The following FRMD1 variants were observed in gnomAD, a reference collection of about 807,000 sequenced individuals.
The protein encoded by FRMD1 is FERM domain-containing protein 1.
A neutral mutation model predicts 54.9 loss-of-function variants in FRMD1; 51 were observed. The ratio of observed to expected loss-of-function variants is 0.93; its 90% CI spans 0.74 to 1.17. The LOEUF (loss-of-function observed/expected upper bound fraction) is 1.17. FRMD1 is among the 50% of genes most tolerant of loss of function. The probability of loss-of-function intolerance (pLI) is 0.00; values close to 1 mark genes in which losing one functional copy is unlikely to be tolerated. For synonymous variants in FRMD1, 324 were observed against 306.4 expected (o/e 1.06, Z -0.60); for missense variants, 729 against 743.0 (o/e 0.98, Z 0.22).
chr6:168,067,630 A>G (rs774122287), intron 2 of FRMD1, 184 bp from the exon 3 acceptor site: 13 of 543,226 alleles, frequency 2.4e-5, no homozygotes, highest in Non-Finnish European at 3.3e-6. Flanking sequence ...ACACACATGC[A>G]GGTGTCAAAT....
intron 2 of FRMD1, among the ~76,000 whole-genome samples, chr6:168,070,383 A>AGGGAG (rs1800247051): frequency 3.4e-5 from 3 of 87,484 alleles, no homozygotes; most frequent in South Asian, 4.4e-4. Flanking sequence ...GAGGGAGGGA[A>AGGGAG]GGAGGGAGGG....
At chr6:168,091,492 G>A (rs779242320) in intron 1 of FRMD1, among the ~76,000 whole-genome samples, 25 of 152,346 alleles carry the variant, frequency 1.6e-4, no homozygotes, top group Non-Finnish European at 2.9e-4. Flanking sequence ...CGTGGCCTCG[G>A]TCAGGTGTCA....
rs142368502 is a variant in FRMD1 at position 168,090,181 on chromosome 6, GC to G, written c.-11-11158del. On this transcript the variant is annotated intron_variant, in intron 1 of 12. Coordinates refer to the FRMD1 transcript ENST00000644440. ...TGGCTCGTCTCCCTCCTGAATGTTG[GC>G]AATGGGCTCTAGAGTCTCCTCTGCC... Among the ~76,000 whole-genome samples, 874 of 152,200 alleles carry G rather than the reference GC, an allele frequency of 5.7e-3. 6 individuals are homozygous for G. Among genetic ancestry groups the G allele is most frequent in the African/African-American group, 0.02 (824 of 41,518 alleles).
At chr6:168,084,331 G>T (rs148990454), upstream of FRMD1, among the ~76,000 whole-genome samples, 2 of 152,242 alleles carry the variant, frequency 1.3e-5, no homozygotes. Flanking sequence ...TTAGCACTGC[G>T]CGTGTCGGAT....
rs1431422158 is a variant in FRMD1, at chr6:168,061,917, C to T, written c.935G>A (p.Gly312Glu). 6.3e-7 allele frequency: 1 copy of T among 1,599,260 alleles called. No individual in the cohort carries two copies. Among genetic ancestry groups the T allele is most frequent in the Non-Finnish European group, 8.5e-7 (1 of 1,174,234 alleles). ...CAGGTGCCTGGACCGCCAGGTGCAC[C>T]CCGTGTAGTAAACCAGCTTCTGTGC... Reference protein sequence around the residue: ...PAAQKLVYYTGCTWRSRHLLH... With the variant: ...PAAQKLVYYTECTWRSRHLLH... Residue 312 changes from glycine (G) to glutamate (E), a missense_variant, in exon 8 of 11, where the codon GGG becomes GAG. Transcript: ENST00000283309.
intron 8 of FRMD1, among the ~76,000 whole-genome samples, chr6:168,061,304 C>T (rs929420577): frequency 9.9e-5 from 15 of 151,230 alleles, no homozygotes; most frequent in Admixed American, 3.3e-4. Flanking sequence ...AAGGTGAGGA[C>T]GTGGAACAGG....
Position 168,064,860 on chromosome 6 carries a change from CCTGACCTTACCCA to C in FRMD1, c.646_648+10del, listed in dbSNP as rs1203003391. ...CTAGCAGTGCTGGGAGGAGGTGGGCCCTGACCTTACCCACTGTGGGAAGTAGGAGTGTGGCTCG... is the reference window on the plus strand; with the variant it reads ...CTAGCAGTGCTGGGAGGAGGTGGGCCCTGTGGGAAGTAGGAGTGTGGCTCG... On this transcript the variant is annotated splice_donor_variant and splice_donor_5th_base_variant and coding_sequence_variant and intron_variant, in exon 5 of 11. Coordinates refer to ENST00000283309, the MANE Select transcript of FRMD1 (RefSeq NM_024919.6). LOFTEE classifies it high-confidence loss of function. 1 of 1,551,042 alleles carries C rather than the reference CCTGACCTTACCCA, an allele frequency of 6.4e-7. No homozygotes were observed. The highest frequency in any genetic ancestry group is 8.7e-7 in the Non-Finnish European group (1 of 1,147,018).
At chr6:168,081,583 A>G, upstream of FRMD1, 3 of 1,384,732 alleles carry the variant, frequency 2.2e-6, no homozygotes, top group Non-Finnish European at 1.9e-6. Context: ...ACATTCTAGA[A>G]CTCAAGCTTC....
In FRMD1 at chr6:168,059,134, G is replaced by A; in HGVS notation, c.1397C>T (p.Ala466Val). The A allele has an allele frequency of 6.3e-7, 1 of 1,577,326 alleles. No homozygotes were observed. Residue 466 changes from alanine (A) to valine (V), a missense_variant, in exon 10 of 11, where the codon GCC (alanine) becomes GTC (valine). Ala to Val is a moderately conservative substitution (Grantham distance 64). Transcript: ENST00000283309. This position sits in a 1 kb window ranked among gnomAD's most constrained non-coding sequence, Gnocchi z 4.4. ...TGGGGGGGACTCTACCTGGTGCACGGCCTCGGCGCTCTGGCCTCTGGTCCT... is the reference window on the plus strand; with the variant it reads ...TGGGGGGGACTCTACCTGGTGCACGACCTCGGCGCTCTGGCCTCTGGTCCT... Reference protein sequence around the residue: ...QVRTRGQSAEAVHQIQEMTAG... With the variant: ...QVRTRGQSAEVVHQIQEMTAG...
intron 1 of FRMD1, 127 bp from the exon 2 acceptor site, chr6:168,075,462 G>A: frequency 1.3e-6 from 1 of 745,326 alleles, no homozygotes; most frequent in East Asian, 2.6e-5. Context: ...GCAGGTAACA[G>A]GTCTGGGTCT....
At position 168,059,943 on chromosome 6, in the gene FRMD1, C is replaced by T. The variant is rs904700412; in HGVS notation, c.1343-755G>A. On this transcript the variant is annotated intron_variant, in intron 9 of 10. Coordinates refer to ENST00000283309, the MANE Select transcript of FRMD1 (RefSeq NM_024919.6). The surrounding 1 kb of genome is among the most constrained non-coding windows in gnomAD (Gnocchi z 4.4). ...TCCTACTCAACTGAGTATAAAAAGA[C>T]ATGAGTCTAACCCAGGCTTTCTGAT... Among the ~76,000 whole-genome samples, 1 of 151,968 alleles carries T rather than the reference C, an allele frequency of 6.6e-6. No homozygotes were observed. Among genetic ancestry groups the T allele is most frequent in the Non-Finnish European group, 1.5e-5 (1 of 67,982 alleles).
chr6:168,060,536 C>G (rs1000346801), intron 9 of FRMD1, among the ~76,000 whole-genome samples: 1 of 152,188 alleles, frequency 6.6e-6, no homozygotes, highest in Non-Finnish European at 1.5e-5. Flanking sequence ...GAACAGGAGA[C>G]TCGGGCACAG....
intron 3 of FRMD1, 78 bp from the exon 4 acceptor site, chr6:168,066,909 G>T: frequency 6.4e-7 from 1 of 1,559,920 alleles, no homozygotes; most frequent in Non-Finnish European, 8.7e-7. Context: ...CAGTTGGGGG[G>T]GCCTGGATTG....
At chr6:168,077,613 A>G (rs1174716288) in intron 1 of FRMD1, among the ~76,000 whole-genome samples, 1 of 152,268 alleles carries the variant, frequency 6.6e-6, no homozygotes, top group Admixed American at 6.5e-5. Context: ...AGCAGGGGCC[A>G]CAGGAGTTGC....
intron 4 of FRMD1, chr6:168,065,885 C>A (rs879065316): frequency 1.0e-6 from 1 of 1,000,146 alleles, no homozygotes; most frequent in African/African-American, 1.7e-5. Context: ...CCAGGGTAAA[C>A]CCTGTTCACG....
intron 10 of FRMD1, chr6:168,057,685 A>C (rs571916332): frequency 2.9e-4 from 80 of 273,434 alleles, no homozygotes; most frequent in African/African-American, 1.6e-3. Flanking sequence ...GAAGCACCTC[A>C]GTGGTCAAGA....
intron 8 of FRMD1, among the ~76,000 whole-genome samples, chr6:168,061,510 C>T (rs536591156): frequency 3.9e-5 from 6 of 152,248 alleles, no homozygotes; most frequent in South Asian, 2.1e-4. Context: ...ATTTCTTGCT[C>T]TTTGTGGGCA....
chr6:168,061,144 G>A, intron 8 of FRMD1, 87 bp from the exon 9 acceptor site: 1 of 1,329,606 alleles, frequency 7.5e-7, no homozygotes, highest in East Asian at 2.4e-5. Context: ...AGACAGAAAT[G>A]CACACCCACA....
upstream of FRMD1, among the ~76,000 whole-genome samples, chr6:168,086,390 C>T (rs138939411): frequency 9.9e-4 from 151 of 151,810 alleles, no homozygotes; most frequent in African/African-American, 3.4e-3. Context: ...AGCATGATGC[C>T]CACATCTTCA....
Sources: gnomAD v4.1 joint callset for allele counts (sites outside exome capture counted in the v4.1 genomes callset) on GRCh38, gnomAD v4.1.1 for gene constraint, Gnocchi (gnomAD v3.1) non-coding constraint, MANE v1.5 for transcripts, NCBI Gene and HGNC (gene_info 2026-07-23, HGNC 2026-07-21) for gene names.